ATXN7: variants seen among roughly 807,000 people sequenced by gnomAD.
ATXN7 encodes ataxin-7.
A neutral mutation model predicts 70.5 loss-of-function variants in ATXN7; 12 were observed. The ratio of observed to expected loss-of-function variants is 0.17; its 90% CI spans 0.11 to 0.28. The LOEUF (loss-of-function observed/expected upper bound fraction) is 0.28. ATXN7 is among the 10% of genes least tolerant of loss of function. ATXN7 has a pLI of 1.00. For missense variants in ATXN7, 1,256 were observed against 1,131.7 expected, an observed-to-expected ratio of 1.11 and a Z score of -1.58; for synonymous variants, 498 against 448.7, an observed-to-expected ratio of 1.11 and a Z score of -1.39.
chr3:63,975,501 G>C (rs1352312829), intron 5 of ATXN7, among the ~76,000 whole-genome samples: 1 of 152,078 alleles, frequency 6.6e-6, no homozygotes, highest in Non-Finnish European at 1.5e-5. Flanking sequence ...TTAGCATTTG[G>C]AGTTACATTT....
intron 1 of ATXN7, among the ~76,000 whole-genome samples, chr3:63,880,638 T>A (rs1702880935): frequency 1.3e-5 from 2 of 152,214 alleles, no homozygotes; most frequent in Admixed American, 6.6e-5. Flanking sequence ...ATTTCATTTG[T>A]CTGGGGTGCT....
chr3:63,992,666 C>T (rs2075690700), intron 11 of ATXN7, among the ~76,000 whole-genome samples: 1 of 152,102 alleles, frequency 6.6e-6, no homozygotes, highest in Non-Finnish European at 1.5e-5. Context: ...ATCATAAGGT[C>T]GACTCTGCTG....
At chr3:63,942,838 A>G (rs2074793925) in intron 4 of ATXN7, among the ~76,000 whole-genome samples, 1 of 152,244 alleles carries the variant, frequency 6.6e-6, no homozygotes, top group South Asian at 2.1e-4. Context: ...GGTTGCTGCT[A>G]TAATCTCTAT....
At chr3:63,893,281 A>T (rs567576982) in intron 1 of ATXN7, among the ~76,000 whole-genome samples, 1 of 152,306 alleles carries the variant, frequency 6.6e-6, no homozygotes, top group African/African-American at 2.4e-5. Context: ...ACAATGACAA[A>T]TTGGAGAATT....
chr3:63,997,273 A>G (rs1422908252), intron 12 of ATXN7, among the ~76,000 whole-genome samples: 2 of 152,034 alleles, frequency 1.3e-5, no homozygotes, highest in Non-Finnish European at 2.9e-5. Flanking sequence ...AGCATTTATT[A>G]TTTTTCCCTC....
At chr3:63,966,682 T>G (rs1345522949) in intron 5 of ATXN7, among the ~76,000 whole-genome samples, 1 of 152,196 alleles carries the variant, frequency 6.6e-6, no homozygotes, top group Non-Finnish European at 1.5e-5. Flanking sequence ...TTCTTCTGTT[T>G]TAGAGTCAAT....
chr3:63,986,639 C>T (rs763282476), intron 8 of ATXN7, among the ~76,000 whole-genome samples: 2 of 152,148 alleles, frequency 1.3e-5, no homozygotes, highest in African/African-American at 4.8e-5. Context: ...AACAAAGTTC[C>T]TGGTCTTTAG....
At chr3:63,976,006 T>A (rs918718220) in intron 5 of ATXN7, among the ~76,000 whole-genome samples, 6 of 152,198 alleles carry the variant, frequency 3.9e-5, no homozygotes, top group African/African-American at 1.4e-4. Context: ...GTGCTTTCTC[T>A]GGGCTGGTGC....
chr3:63,912,839 C>T lies in ATXN7; in HGVS notation c.241C>T (p.Arg81Cys), dbSNP rs781445074. The T allele has an allele frequency of 4.4e-6, 7 of 1,607,202 alleles. No homozygotes were observed. In the South Asian group the frequency reaches 5.5e-5, roughly 13 times the overall value. Residue 81 changes from arginine (R) to cysteine (C), a missense_variant, in exon 3 of 13, where the codon CGC becomes TGC. Transcript: ENST00000674280. ...SAAAMATVGERRPLPSPEVML... is the reference protein window; with the variant it reads ...SAAAMATVGECRPLPSPEVML... ...CGCCGCAATGGCGACGGTCGGGGAG[C>T]GCAGGCCTCTGCCCAGTCCTGAAGT...
chr3:63,979,613 A>G (rs1239796849), intron 5 of ATXN7, among the ~76,000 whole-genome samples: 1 of 152,194 alleles, frequency 6.6e-6, no homozygotes, highest in Non-Finnish European at 1.5e-5. Context: ...GTTCATTTTT[A>G]GCACGCAAAA....
At chr3:63,924,358 C>T (rs1305957030) in intron 4 of ATXN7, among the ~76,000 whole-genome samples, 3 of 152,082 alleles carry the variant, frequency 2.0e-5, no homozygotes, top group African/African-American at 4.8e-5. Flanking sequence ...CATGGTGGAG[C>T]AGTCTGGGGT....
intron 5 of ATXN7, among the ~76,000 whole-genome samples, chr3:63,956,440 AAAAAAAG>A (rs1166536128): frequency 2.6e-5 from 4 of 151,458 alleles, no homozygotes; most frequent in African/African-American, 9.7e-5. Flanking sequence ...AAAAAAAAAA[AAAAAAAG>A]AGTAAGGTGT....
intron 1 of ATXN7, among the ~76,000 whole-genome samples, chr3:63,877,520 C>CCTGATGAGAGCAGGCTGATGAGAG (rs1702782529): frequency 6.6e-6 from 1 of 152,244 alleles, no homozygotes; most frequent in Admixed American, 6.5e-5. Context: ...ATGAGAGCTG[C>CCTGATGAGAGCAGGCTGATGAGAG]CTGGCCCTTT....
At chr3:63,896,147 T>C (rs1410039129) in intron 1 of ATXN7, among the ~76,000 whole-genome samples, 1 of 152,034 alleles carries the variant, frequency 6.6e-6, no homozygotes, top group Non-Finnish European at 1.5e-5. Flanking sequence ...AGGGTCAACA[T>C]AGGCTAGGGA....
chr3:63,982,817 A>T, intron 7 of ATXN7, 122 bp from the exon 8 acceptor site: 1 of 761,090 alleles, frequency 1.3e-6, no homozygotes, highest in Admixed American at 2.5e-5. Flanking sequence ...TATTTTATTG[A>T]TAATGTGGCT....
chr3:63,871,114 T>C (rs1045108775), intron 1 of ATXN7, among the ~76,000 whole-genome samples: 24 of 152,180 alleles, frequency 1.6e-4, no homozygotes, highest in African/African-American at 5.8e-4. Context: ...CTCTACTGAT[T>C]TGCTTATTTT....
intron 2 of ATXN7, among the ~76,000 whole-genome samples, 172 bp from the exon 3 acceptor site, chr3:63,912,416 G>A (rs1460485542): frequency 6.6e-6 from 1 of 151,486 alleles, no homozygotes; most frequent in East Asian, 2.0e-4. Context: ...CTTTGAGCCC[G>A]GGGCGGGGGG....
chr3:63,945,574 G>A (rs183417566), intron 4 of ATXN7, among the ~76,000 whole-genome samples: 1 of 152,144 alleles, frequency 6.6e-6, no homozygotes, highest in African/African-American at 2.4e-5. Flanking sequence ...GGCATCACAA[G>A]GACTTAATCT....
At chr3:63,874,772 A>G (rs1445867874) in intron 1 of ATXN7, among the ~76,000 whole-genome samples, 1 of 152,180 alleles carries the variant, frequency 6.6e-6, no homozygotes, top group Admixed American at 6.5e-5. Context: ...TCATTTGAGT[A>G]ATGTTCCCTA....
Sources: gnomAD v4.1 joint callset for allele counts (sites outside exome capture counted in the v4.1 genomes callset) on GRCh38, gnomAD v4.1.1 for gene constraint, MANE v1.5 for transcripts, NCBI Gene and HGNC (gene_info 2026-07-23, HGNC 2026-07-21) for gene names.